PRELID2: variants seen among roughly 807,000 people sequenced by gnomAD.
PRELID2 encodes the protein PRELI domain-containing protein 2.
In PRELID2, 25 loss-of-function variants were observed where a neutral mutation model predicts 28.4. The ratio of observed to expected loss-of-function variants is 0.88; its 90% CI spans 0.64 to 1.23. The LOEUF (loss-of-function observed/expected upper bound fraction) is 1.23. Among genes scored for constraint, PRELID2 ranks in the 50% most tolerant of loss-of-function variants. PRELID2 has a pLI of 0.00. For synonymous variants in PRELID2, 76 were observed against 71.6 expected, an observed-to-expected ratio of 1.06 and a Z score of -0.31; for missense variants, 201 against 214.4, an observed-to-expected ratio of 0.94 and a Z score of 0.39.
the PRELID2 span, among the ~76,000 whole-genome samples, chr5:145,412,262 A>T: frequency 1.3e-5 from 2 of 152,112 alleles, no homozygotes; most frequent in South Asian, 2.1e-4. Flanking sequence ...CCAAATTTTT[A>T]TGCTATATCA....
At chr5:145,436,461 T>C in the PRELID2 span, among the ~76,000 whole-genome samples, 1 of 152,138 alleles carries the variant, frequency 6.6e-6, no homozygotes, top group Non-Finnish European at 1.5e-5. Flanking sequence ...CAAAATGGGA[T>C]TGCTGGGTAG....
At chr5:145,769,619 A>G (rs905174383) in intron 5 of PRELID2, among the ~76,000 whole-genome samples, 1 of 152,252 alleles carries the variant, frequency 6.6e-6, no homozygotes, top group Non-Finnish European at 1.5e-5. Context: ...GTGCATCCAC[A>G]GGGAGCTCTT....
chr5:145,568,901 A>G (rs1257421322), intron 1 of PRELID2, among the ~76,000 whole-genome samples: 3 of 152,228 alleles, frequency 2.0e-5, no homozygotes, highest in Non-Finnish European at 2.9e-5. Flanking sequence ...GCAAAGATTT[A>G]TTCAGCCCAC....
At chr5:145,479,891 T>C (rs1752141423) in intron 1 of PRELID2, among the ~76,000 whole-genome samples, 1 of 152,180 alleles carries the variant, frequency 6.6e-6, no homozygotes, top group Non-Finnish European at 1.5e-5. Context: ...AGAGGATCCT[T>C]TGAAAAATCC....
intron 1 of PRELID2, among the ~76,000 whole-genome samples, chr5:145,707,382 C>T (rs887754347): frequency 1.5e-4 from 23 of 152,046 alleles, no homozygotes; most frequent in African/African-American, 2.4e-4. Context: ...AATCTGAGTG[C>T]GCCAGTAATG....
At chr5:145,266,947 G>A in the PRELID2 span, among the ~76,000 whole-genome samples, 2 of 152,056 alleles carry the variant, frequency 1.3e-5, no homozygotes, top group African/African-American at 2.4e-5. Flanking sequence ...ACCAAACATT[G>A]TATGTTCTCA....
At chr5:145,379,745 G>C in the PRELID2 span, among the ~76,000 whole-genome samples, 1 of 152,122 alleles carries the variant, frequency 6.6e-6, no homozygotes, top group Non-Finnish European at 1.5e-5. Flanking sequence ...AGCATAAGGA[G>C]GGAGCATGAA....
At chr5:145,442,244 G>C in the PRELID2 span, among the ~76,000 whole-genome samples, 1 of 151,970 alleles carries the variant, frequency 6.6e-6, no homozygotes, top group African/African-American at 2.4e-5. Context: ...GAAATGTGTT[G>C]GTTCATGCAA....
chr5:145,800,898 T>G (rs1255925357), intron 4 of PRELID2, among the ~76,000 whole-genome samples: 1 of 152,114 alleles, frequency 6.6e-6, no homozygotes, highest in Non-Finnish European at 1.5e-5. Context: ...CCATTTAAGT[T>G]CTGTGCAAAA....
chr5:145,592,103 A>G (rs1309066403), intron 1 of PRELID2, among the ~76,000 whole-genome samples: 1 of 152,186 alleles, frequency 6.6e-6, no homozygotes, highest in African/African-American at 2.4e-5. Flanking sequence ...TGAAACAACC[A>G]TCTTGCGCAT....
chr5:145,237,306 C>T, the PRELID2 span, among the ~76,000 whole-genome samples: 1 of 152,126 alleles, frequency 6.6e-6, no homozygotes, highest in Non-Finnish European at 1.5e-5. Context: ...TCTTCTAAGA[C>T]AGCTCTTTAG....
the PRELID2 span, chr5:145,440,914 C>A: frequency 1.3e-5 from 2 of 152,100 alleles, no homozygotes; most frequent in Non-Finnish European, 2.9e-5. Flanking sequence ...GCTCATTAGG[C>A]TGGCCTTAAA....
At chr5:145,457,914 C>A in the PRELID2 span, among the ~76,000 whole-genome samples, 1 of 152,148 alleles carries the variant, frequency 6.6e-6, no homozygotes, top group African/African-American at 2.4e-5. Flanking sequence ...GATCCACAAA[C>A]CTCCACCTTC....
chr5:145,407,290 A>G, the PRELID2 span, among the ~76,000 whole-genome samples: 1 of 152,124 alleles, frequency 6.6e-6, no homozygotes, highest in African/African-American at 2.4e-5. Context: ...TGGGAGTGAG[A>G]CTGGAGACTG....
intron 1 of PRELID2, among the ~76,000 whole-genome samples, chr5:145,689,376 C>T (rs1755099832): frequency 6.6e-6 from 1 of 152,108 alleles, no homozygotes; most frequent in Non-Finnish European, 1.5e-5. Flanking sequence ...AGAAGCATTG[C>T]TACGTTACAG....
chr5:145,326,654 G>A, the PRELID2 span, among the ~76,000 whole-genome samples: 7 of 152,126 alleles, frequency 4.6e-5, no homozygotes, highest in African/African-American at 1.4e-4. Context: ...CTTGATAGTG[G>A]TATCAAAATT....
At chr5:145,748,747 A>G (rs1473344662) in intron 1 of PRELID2, among the ~76,000 whole-genome samples, 1 of 152,236 alleles carries the variant, frequency 6.6e-6, no homozygotes, top group Non-Finnish European at 1.5e-5. Context: ...ACAATAACCA[A>G]AACAGCATGG....
the PRELID2 span, among the ~76,000 whole-genome samples, chr5:145,371,454 A>G: frequency 1.1e-4 from 16 of 152,008 alleles, no homozygotes; most frequent in Admixed American, 2.0e-4. Context: ...GCATCCCAGG[A>G]GTGAAGCCAA....
At chr5:145,571,990 A>G (rs369532486) in intron 1 of PRELID2, among the ~76,000 whole-genome samples, 1 of 151,208 alleles carries the variant, frequency 6.6e-6, no homozygotes, top group East Asian at 1.9e-4. Context: ...TCAAAAAAAA[A>G]AAAGAAAGAA....
Sources: gnomAD v4.1 joint callset for allele counts (sites outside exome capture counted in the v4.1 genomes callset) on GRCh38, gnomAD v4.1.1 for gene constraint, MANE v1.5 for transcripts, NCBI Gene and HGNC (gene_info 2026-07-23, HGNC 2026-07-21) for gene names.